The following NACC2 variants were observed in gnomAD, a reference collection of about 807,000 sequenced individuals.
NACC2 encodes the protein nucleus accumbens-associated protein 2.
Under a neutral mutation model 25.1 loss-of-function variants are expected in NACC2, and 8 were observed. The ratio of observed to expected loss-of-function variants is 0.32; its 90% CI spans 0.19 to 0.57. The LOEUF (loss-of-function observed/expected upper bound fraction) is 0.57. NACC2 is among the 20% of genes least tolerant of loss of function. The pLI is 0.89. For missense variants in NACC2, 644 were observed against 650.2 expected, an observed-to-expected ratio of 0.99 and a Z score of 0.10; for synonymous variants, 435 against 294.7, an observed-to-expected ratio of 1.48 and a Z score of -4.88.
intron 3 of NACC2, 51 bp from the exon 4 acceptor site, chr9:136,014,020 T>G: frequency 1.1e-6 from 1 of 869,712 alleles, no homozygotes; most frequent in Non-Finnish European, 1.7e-6. Context: ...GGCCATAGGG[T>G]CCGAAGAGGC....
At chr9:136,052,779 G>A (rs1199249581) in intron 1 of NACC2, among the ~76,000 whole-genome samples, 2 of 152,244 alleles carry the variant, frequency 1.3e-5, no homozygotes, top group Non-Finnish European at 2.9e-5. Context: ...TCCTGGCTGC[G>A]GCCACACAGG....
intron 1 of NACC2, among the ~76,000 whole-genome samples, chr9:136,067,938 T>C (rs555341030): frequency 6.6e-6 from 1 of 152,372 alleles, no homozygotes; most frequent in African/African-American, 2.4e-5. Flanking sequence ...AGCATGTTAC[T>C]GTACTGAATA....
At position 136,011,911 on chromosome 9, in the gene NACC2, A is replaced by C. The variant is rs1394880816; in HGVS notation, c.1369T>G (p.Ser457Ala). 1 of 1,592,600 alleles carries C rather than the reference A, an allele frequency of 6.3e-7. No individual in the cohort carries two copies. Among genetic ancestry groups the C allele is most frequent in the Non-Finnish European group, 8.5e-7 (1 of 1,171,924 alleles). ...ATCTCCACGCCCTCCGGCAGCATGG[A>C]CTTGATCTTGGGCAGCCAGCGCTTG... ...VRKRWLPKIK[S>A]MLPEGVEMYR... The change falls in exon 6 of 6, where the codon TCC becomes GCC. Residue 457 changes from serine (S) to alanine (A), a missense_variant. Coordinates refer to ENST00000277554, the MANE Select transcript of NACC2 (RefSeq NM_144653.5).
At chr9:136,081,023 G>A (rs56033139) in intron 1 of NACC2, among the ~76,000 whole-genome samples, 2,309 of 152,256 alleles carry the variant, frequency 0.015, 56 homozygotes, top group African/African-American at 0.052. Context: ...GATGGAGGAG[G>A]AAGTTTTCAT....
intron 1 of NACC2, among the ~76,000 whole-genome samples, chr9:136,063,546 A>G (rs1407410988): frequency 6.6e-6 from 1 of 152,192 alleles, no homozygotes; most frequent in East Asian, 1.9e-4. Context: ...TAAAGTATAG[A>G]GTTTTTCCTA....
At chr9:136,076,203 G>A (rs1830261395) in intron 1 of NACC2, among the ~76,000 whole-genome samples, 1 of 152,174 alleles carries the variant, frequency 6.6e-6, no homozygotes, top group African/African-American at 2.4e-5. Flanking sequence ...TTTCCATCCA[G>A]TAGCAAAGAG....
At position 136,051,261 on chromosome 9, in the gene NACC2, G is replaced by A. The variant is rs954271895; in HGVS notation, c.-59-681C>T. Among the ~76,000 whole-genome samples, 575 of 152,300 alleles carry A rather than the reference G, an allele frequency of 3.8e-3. 3 individuals carry two copies. The highest frequency in any genetic ancestry group is 0.012 in the African/African-American group (516 of 41,566). On this transcript the variant is annotated intron_variant, in intron 1 of 5. Transcript: ENST00000277554. The stretch of plus-strand genomic sequence containing the variant: ...AGACCACCCTGGGCGCGCCCGCTCC[G>A]TTCTCCCGTGCTCTCCTGGCTCGGA...
intron 2 of NACC2, among the ~76,000 whole-genome samples, chr9:136,029,393 T>C (rs1024960190): frequency 6.6e-6 from 1 of 152,216 alleles, no homozygotes; most frequent in Non-Finnish European, 1.5e-5. Flanking sequence ...CAATAAAGCA[T>C]TTCTTCACTT....
chr9:136,014,301 G>A (rs1840164139), intron 3 of NACC2, among the ~76,000 whole-genome samples: 1 of 151,936 alleles, frequency 6.6e-6, no homozygotes, highest in South Asian at 2.1e-4. Context: ...CCCTCCCCAA[G>A]AACACACTTT....
chr9:136,076,546 A>T (rs1162018361), intron 1 of NACC2, among the ~76,000 whole-genome samples: 1 of 152,026 alleles, frequency 6.6e-6, no homozygotes, highest in African/African-American at 2.4e-5. Context: ...GGGACTGCGG[A>T]GGGGAGTTGG....
At chr9:136,054,257 G>A (rs1840890365) in intron 1 of NACC2, among the ~76,000 whole-genome samples, 1 of 152,176 alleles carries the variant, frequency 6.6e-6, no homozygotes, top group Non-Finnish European at 1.5e-5. Flanking sequence ...CCAGGGCTGG[G>A]GGACAGACCA....
chr9:136,078,239 A>G (rs1279582238), intron 1 of NACC2, among the ~76,000 whole-genome samples: 4 of 151,838 alleles, frequency 2.6e-5, no homozygotes, highest in Non-Finnish European at 4.4e-5. Context: ...CAGGACCCCC[A>G]CCCCCCGCAA....
chr9:136,063,859 G>A (rs1841045840), intron 1 of NACC2, among the ~76,000 whole-genome samples: 1 of 150,094 alleles, frequency 6.7e-6, no homozygotes, highest in Admixed American at 6.7e-5. Context: ...ACCCCAGCCT[G>A]GGAAACAGAG....
intron 1 of NACC2, among the ~76,000 whole-genome samples, chr9:136,082,825 C>G (rs1312046529): frequency 1.3e-5 from 2 of 152,200 alleles, no homozygotes; most frequent in South Asian, 2.1e-4. Context: ...GTTGACTGCC[C>G]TCCCTCTCCC....
At chr9:136,064,217 C>T (rs1162567581) in intron 1 of NACC2, among the ~76,000 whole-genome samples, 9 of 151,980 alleles carry the variant, frequency 5.9e-5, no homozygotes, top group Non-Finnish European at 1.5e-5. Context: ...TGAGCCCAGG[C>T]GATCGAGGCT....
chr9:136,025,173 G>A (rs902113002), intron 2 of NACC2, among the ~76,000 whole-genome samples: 1 of 152,212 alleles, frequency 6.6e-6, no homozygotes, highest in African/African-American at 2.4e-5. Flanking sequence ...TACAGGCTAC[G>A]GTGTGAGGCA....
At chr9:136,031,053 T>C (rs1030322874) in intron 2 of NACC2, among the ~76,000 whole-genome samples, 1 of 152,210 alleles carries the variant, frequency 6.6e-6, no homozygotes, top group Non-Finnish European at 1.5e-5. Context: ...TGTGAACTAT[T>C]CCTGCAGCTA....
At chr9:136,073,422 T>TCC (rs1830221155) in intron 1 of NACC2, among the ~76,000 whole-genome samples, 1 of 146,578 alleles carries the variant, frequency 6.8e-6, no homozygotes, top group African/African-American at 2.4e-5. Context: ...AGAGCAAGAC[T>TCC]GTCTCAAAAA....
Position 136,063,893 on chromosome 9 carries a change from A to AC in NACC2, c.-59-13314_-59-13313insG, listed in dbSNP as rs1251642659. 1.3e-3 allele frequency among the ~76,000 whole-genome samples: 199 copies of AC among 150,760 alleles called. 1 individual carries two copies. Among genetic ancestry groups the AC allele is most frequent in the African/African-American group, 4.6e-3 (186 of 40,320 alleles). ...AGCGAGACTCCATCTCAAAAAAAAAAAAAACAAAAAAAACAAAAATCACTT... is the reference window on the plus strand; with the variant it reads ...AGCGAGACTCCATCTCAAAAAAAAAACAAAACAAAAAAAACAAAAATCACTT... On this transcript the variant is annotated intron_variant, in intron 1 of 5. Transcript: ENST00000277554.
Sources: allele counts gnomAD v4.1 joint callset (sites outside exome capture counted in the v4.1 genomes callset), GRCh38; gene constraint gnomAD v4.1.1; transcripts MANE v1.5; gene names NCBI Gene and HGNC (gene_info 2026-07-23, HGNC 2026-07-21).